The following RASGRF1 variants were observed in gnomAD, a reference collection of about 807,000 sequenced individuals.
The protein encoded by RASGRF1 is ras-specific guanine nucleotide-releasing factor 1.
In RASGRF1, 40 loss-of-function variants were observed where a neutral mutation model predicts 138.7. The ratio of observed to expected loss-of-function variants is 0.29; its 90% CI spans 0.22 to 0.38. The LOEUF is 0.38. Ranked by LOEUF, RASGRF1 falls within the 10% of genes least tolerant of loss-of-function variation. The probability of loss-of-function intolerance (pLI) is 1.00; values close to 1 mark genes in which losing one functional copy is unlikely to be tolerated. For synonymous variants in RASGRF1, 614 were observed against 663.2 expected (o/e 0.93, Z 1.14); for missense variants, 1,108 against 1,650.4 (o/e 0.67, Z 5.69).
In RASGRF1 at chr15:78,973,269, C is replaced by T. The variant is rs570815321; in HGVS notation, c.3612+34G>A. 10 of 1,526,156 alleles carry T rather than the reference C, an allele frequency of 6.6e-6. No homozygotes were observed. The highest frequency in any genetic ancestry group is 1.7e-4 in the Middle Eastern group (1 of 5,780). 94.5% of individuals were successfully genotyped at this position (1,526,156 alleles called of 1,614,324 possible). On this transcript the variant is annotated intron_variant, in intron 25 of 26. Transcript: ENST00000558480. The surrounding 1 kb of genome is among the most constrained non-coding windows in gnomAD (Gnocchi z 4.9). ...AGGTTGAGTCATCTGGGCTTCAACG[C>T]CCCCCTTCCCCTGCCTGGCTGGGGG...
intron 10 of RASGRF1, among the ~76,000 whole-genome samples, chr15:79,022,913 G>A (rs1312966243): frequency 6.6e-6 from 1 of 152,174 alleles, no homozygotes; most frequent in Non-Finnish European, 1.5e-5. Flanking sequence ...GGTGGCTCAC[G>A]CCTGTAATCC....
In RASGRF1 at chr15:79,073,231, C is replaced by T. The variant is rs2057785804; in HGVS notation, c.277-8705G>A. Among the ~76,000 whole-genome samples the T allele has an allele frequency of 6.6e-6, 1 of 151,930 alleles. No homozygotes were observed. The highest frequency in any genetic ancestry group is 2.1e-4 in the South Asian group (1 of 4,812). On this transcript the variant is annotated intron_variant, in intron 1 of 26. Coordinates refer to ENST00000558480, the MANE Select transcript of RASGRF1 (RefSeq NM_001145648.3). This position sits in a 1 kb window ranked among gnomAD's most constrained non-coding sequence, Gnocchi z 4.2. The stretch of plus-strand genomic sequence containing the variant: ...GTTGCTGGAATAGATCTAGTATCCC[C>T]CGCAGTCCTCCACCAGACTGCCCAG...
In RASGRF1 at chr15:78,991,725, G is replaced by T. The variant is rs2056271642; in HGVS notation, c.3097C>A (p.Leu1033Ile). 3.1e-6 allele frequency: 5 copies of T among 1,614,168 alleles called. No homozygotes were observed. Among genetic ancestry groups the T allele is most frequent in the Middle Eastern group, 1.6e-4 (1 of 6,062 alleles). ...ALEIAEQLTL[L>I]DHLVFKKIPY... The stretch of plus-strand genomic sequence containing the variant: ...ATCTTCTTGAAGACGAGGTGATCTA[G>T]CAGGGTCAGCTGCTCCGCGATCTCC... Residue 1033 changes from leucine (L) to isoleucine (I), a missense_variant, in exon 21 of 27, where the codon CTA (leucine) becomes ATA (isoleucine). By Grantham distance (5) the Leu-to-Ile change is conservative. This residue lies in a region of RASGRF1 where 686 missense variants were observed against 976.7 expected (regional missense o/e 0.70). Transcript: ENST00000558480.
intron 10 of RASGRF1, among the ~76,000 whole-genome samples, chr15:79,022,477 CA>C (rs1463523932): frequency 4.1e-5 from 6 of 145,578 alleles, no homozygotes; most frequent in Non-Finnish European, 9.0e-5. Context: ...AAAACCCCCA[CA>C]AAAAAACTAA....
intron 2 of RASGRF1, among the ~76,000 whole-genome samples, 192 bp from the exon 3 acceptor site, chr15:79,058,673 A>T (rs1241320742): frequency 6.6e-6 from 1 of 152,196 alleles, no homozygotes; most frequent in Non-Finnish European, 1.5e-5. Context: ...AGAGAGCTGG[A>T]GCAAGGCGGG....
At position 78,973,604 on chromosome 15, in the gene RASGRF1, G is replaced by A. The variant is rs2055815657; in HGVS notation, c.3495-184C>T. 6.6e-6 allele frequency among the ~76,000 whole-genome samples: 1 copy of A among 152,082 alleles called. No homozygotes were observed. Among genetic ancestry groups the A allele is most frequent in the Admixed American group, 6.5e-5 (1 of 15,276 alleles). On this transcript the variant is annotated intron_variant, in intron 24 of 26. Transcript: ENST00000558480. The surrounding 1 kb of genome is among the most constrained non-coding windows in gnomAD (Gnocchi z 4.9). ...CCAGGACTGTCGGCTGGGTCTCAGG[G>A]CCAGTCCTCTGGGGTGGTGGGGGCA...
chr15:79,057,405 C>G (rs953561366), intron 3 of RASGRF1, among the ~76,000 whole-genome samples: 1 of 152,260 alleles, frequency 6.6e-6, no homozygotes, highest in Non-Finnish European at 1.5e-5. Flanking sequence ...AGAATGACTT[C>G]CCTGGCCTGG....
In RASGRF1 at chr15:79,063,642, G is replaced by A. The variant is rs377189105; in HGVS notation, c.383+778C>T. On this transcript the variant is annotated intron_variant, in intron 2 of 26. Transcript: ENST00000558480. Reference sequence around the variant, plus strand: ...GTAATGCAAAGAATCACATCTGGTCGCTGCCCTCAGGAGCTTCCATTTTTT... The same window carrying A: ...GTAATGCAAAGAATCACATCTGGTCACTGCCCTCAGGAGCTTCCATTTTTT... Among the ~76,000 whole-genome samples the A allele has an allele frequency of 2.2e-3, 329 of 152,278 alleles. 1 individual carries two copies. Among genetic ancestry groups the A allele is most frequent in the African/African-American group, 7.4e-3 (307 of 41,550 alleles).
rs541946064 is a variant in RASGRF1, at chr15:79,057,934, G to A, written c.531+400C>T. On this transcript the variant is annotated intron_variant, in intron 3 of 26. Coordinates refer to ENST00000558480, the MANE Select transcript of RASGRF1 (RefSeq NM_001145648.3). ...TCTAATGACCTACCAGTGACCCTGC[G>A]CTCTCCAGAGTCTTGGGCTAATAAT... 1.4e-4 allele frequency among the ~76,000 whole-genome samples: 22 copies of A among 152,316 alleles called. No individual in the cohort carries two copies. In the South Asian group the frequency reaches 3.7e-3, roughly 26 times the overall value.
At chr15:79,083,412 C>G (rs1346131319) in intron 1 of RASGRF1, among the ~76,000 whole-genome samples, 1 of 152,220 alleles carries the variant, frequency 6.6e-6, no homozygotes, top group Non-Finnish European at 1.5e-5. Context: ...CACACGGGCA[C>G]CGGCTCCATG....
chr15:79,006,201 C>T lies in RASGRF1; in HGVS notation c.2060G>A (p.Ser687Asn). The T allele has an allele frequency of 6.2e-7, 1 of 1,614,232 alleles. No individual in the cohort carries two copies. The highest frequency in any genetic ancestry group is 8.5e-7 in the Non-Finnish European group (1 of 1,180,038). ...KLITIYKKPI[S>N]AIPARSLELL... is the part of the protein sequence containing the mutation. ...CCTCAGCCACCTGGCAGGAATGGCA[C>T]TGATAGGCTTCTTGTAGATGGTAAT... The change falls in exon 14 of 27, where the codon AGT becomes AAT. Residue 687 changes from serine (S) to asparagine (N), a missense_variant. Coordinates refer to ENST00000558480, the MANE Select transcript of RASGRF1 (RefSeq NM_001145648.3). This position sits in a 1 kb window ranked among gnomAD's most constrained non-coding sequence, Gnocchi z 4.0.
intron 1 of RASGRF1, among the ~76,000 whole-genome samples, chr15:79,070,289 C>T (rs1252166953): frequency 1.3e-5 from 2 of 152,188 alleles, no homozygotes; most frequent in Non-Finnish European, 2.9e-5. Context: ...AGCCCACTCT[C>T]CACCTAGCCC....
At chr15:79,088,056 G>A (rs575155697) in intron 1 of RASGRF1, among the ~76,000 whole-genome samples, 1 of 152,280 alleles carries the variant, frequency 6.6e-6, no homozygotes, top group South Asian at 2.1e-4. Context: ...TCTACTGCTA[G>A]GATGATTCAA....
chr15:78,970,621 C>CAAAAAA (rs55689628), intron 26 of RASGRF1, among the ~76,000 whole-genome samples: 887 of 55,002 alleles, frequency 0.016, no homozygotes, highest in Middle Eastern at 0.031. Context: ...GACTCTGTCT[C>CAAAAAA]AAAAAAAAAA....
chr15:79,053,431 T>C (rs1261249343), intron 3 of RASGRF1, among the ~76,000 whole-genome samples: 1 of 152,244 alleles, frequency 6.6e-6, no homozygotes, highest in African/African-American at 2.4e-5. Flanking sequence ...GGGCCTGTCT[T>C]AGCTCTCCAA....
At chr15:79,005,407 G>A (rs778905484) in intron 14 of RASGRF1, 101 of 985,380 alleles carry the variant, frequency 1.0e-4, no homozygotes, top group Non-Finnish European at 1.2e-4. Context: ...AGGGCACTCA[G>A]AGAGCCTCTG....
At chr15:78,996,286 C>T (rs1457805907) in intron 19 of RASGRF1, among the ~76,000 whole-genome samples, 5 of 152,156 alleles carry the variant, frequency 3.3e-5, no homozygotes, top group East Asian at 1.9e-4. Flanking sequence ...GTGGTACACA[C>T]GGTGGGGAAT....
intron 1 of RASGRF1, among the ~76,000 whole-genome samples, chr15:79,086,967 G>A (rs1472368918): frequency 6.6e-6 from 1 of 152,210 alleles, no homozygotes; most frequent in East Asian, 1.9e-4. Context: ...TGAGCAAAGG[G>A]CCCAGGCCAG....
At chr15:79,023,669 C>G (rs1360763479) in intron 10 of RASGRF1, among the ~76,000 whole-genome samples, 2 of 152,144 alleles carry the variant, frequency 1.3e-5, no homozygotes, top group East Asian at 1.9e-4. Flanking sequence ...ATTCCCTCCC[C>G]CTTTAGGGAT....
Sources: gnomAD v4.1 joint callset for allele counts (sites outside exome capture counted in the v4.1 genomes callset) on GRCh38, gnomAD v4.1.1 for gene constraint, gnomAD v4.1.1 regional missense constraint, Gnocchi (gnomAD v3.1) non-coding constraint, MANE v1.5 for transcripts, NCBI Gene and HGNC (gene_info 2026-07-23, HGNC 2026-07-21) for gene names.